MRPS27: variants seen among roughly 807,000 people sequenced by gnomAD.
The protein encoded by MRPS27 is small ribosomal subunit protein mS27.
In MRPS27, 43 loss-of-function variants were observed where a neutral mutation model predicts 48.9. That is an observed-to-expected ratio of 0.88 (90% CI 0.69 to 1.13). MRPS27 has a LOEUF of 1.13. Among genes scored for constraint, MRPS27 ranks in the 50% most tolerant of loss-of-function variants. The pLI, the probability that MRPS27 is intolerant of heterozygous loss-of-function variation, is 0.00. For synonymous variants in MRPS27, 188 were observed against 171.9 expected (o/e 1.09, Z -0.73); for missense variants, 467 against 476.3 (o/e 0.98, Z 0.18).
chr5:72,221,124 G>C lies in MRPS27; in HGVS notation c.1030C>G (p.Leu344Val), dbSNP rs766122867. 3 of 1,613,992 alleles carry C rather than the reference G, an allele frequency of 1.9e-6. No homozygotes were observed. The African/African-American group carries it at 4.0e-5, about 22-fold the overall frequency. Residue 344 changes from leucine to valine, a missense_variant, in exon 11 of 11, where the codon CTG (leucine) becomes GTG (valine). By Grantham distance (32) the Leu-to-Val change is conservative. Coordinates refer to ENST00000261413, the MANE Select transcript of MRPS27 (RefSeq NM_015084.3). ...FKALHSKLQA[L>V]GKIESEGLLS... Reference sequence around the variant, plus strand: ...AGACCTTCTGACTCAATTTTGCCCAGAGCTTGAAGCTTAGAATGTAAGGCC... The same window carrying C: ...AGACCTTCTGACTCAATTTTGCCCACAGCTTGAAGCTTAGAATGTAAGGCC...
chr5:72,278,164 C>T (rs1749427642), intron 4 of MRPS27, among the ~76,000 whole-genome samples: 1 of 152,076 alleles, frequency 6.6e-6, no homozygotes, highest in African/African-American at 2.4e-5. Context: ...AAAATCTGGC[C>T]AGGCGCAGTG....
chr5:72,295,018 G>T (rs1206195003), intron 4 of MRPS27, among the ~76,000 whole-genome samples: 1 of 151,950 alleles, frequency 6.6e-6, no homozygotes, highest in Non-Finnish European at 1.5e-5. Flanking sequence ...AAGCATCTTA[G>T]ATAAGAGATA....
chr5:72,263,357 T>C (rs1397740185), intron 4 of MRPS27, among the ~76,000 whole-genome samples: 1 of 151,848 alleles, frequency 6.6e-6, no homozygotes, highest in Non-Finnish European at 1.5e-5. Context: ...TTCATGACAC[T>C]GAATTTAGCA....
At chr5:72,297,841 GA>G (rs1750021028) in intron 2 of MRPS27, 139 bp from the exon 3 acceptor site, 1 of 431,178 alleles carries the variant, frequency 2.3e-6, no homozygotes, top group Non-Finnish European at 4.0e-6. Context: ...ATAAATTAAA[GA>G]GGAAAAAAGA....
intron 4 of MRPS27, among the ~76,000 whole-genome samples, chr5:72,248,421 A>G (rs997003688): frequency 6.6e-6 from 1 of 152,202 alleles, no homozygotes; most frequent in Non-Finnish European, 1.5e-5. Flanking sequence ...TAAAAAAGCC[A>G]TACTTTAGCT....
At chr5:72,270,245 C>T (rs191892356) in intron 4 of MRPS27, among the ~76,000 whole-genome samples, 144 of 146,008 alleles carry the variant, frequency 9.9e-4, no homozygotes, top group Admixed American at 2.4e-3. Flanking sequence ...TATTAAAATG[C>T]CTACATAGCA....
chr5:72,241,483 A>T (rs1748348229), intron 4 of MRPS27: 1 of 622,356 alleles, frequency 1.6e-6, no homozygotes, highest in Non-Finnish European at 2.8e-6. Flanking sequence ...TCTGGAATAT[A>T]AACAAGTCAA....
At chr5:72,303,039 C>T (rs1207573343) in intron 2 of MRPS27, among the ~76,000 whole-genome samples, 4 of 152,088 alleles carry the variant, frequency 2.6e-5, no homozygotes, top group East Asian at 1.9e-4. Flanking sequence ...GTTGACTTCA[C>T]TATATAAAAT....
At chr5:72,260,901 T>C (rs929614694) in intron 4 of MRPS27, among the ~76,000 whole-genome samples, 1 of 152,226 alleles carries the variant, frequency 6.6e-6, no homozygotes, top group African/African-American at 2.4e-5. Context: ...TCTTGCTCTT[T>C]AGCTGAGGCT....
intron 10 of MRPS27, among the ~76,000 whole-genome samples, chr5:72,221,959 G>C (rs897231920): frequency 6.6e-6 from 1 of 152,182 alleles, no homozygotes; most frequent in South Asian, 2.1e-4. Flanking sequence ...TCATTAGAGA[G>C]AGGGCCACTT....
intron 2 of MRPS27, among the ~76,000 whole-genome samples, chr5:72,304,408 T>C (rs762704863): frequency 1.7e-4 from 26 of 152,236 alleles, no homozygotes; most frequent in African/African-American, 6.3e-4. Flanking sequence ...TAAAAGATAA[T>C]GATTGTCAGA....
At chr5:72,259,461 T>A in intron 4 of MRPS27, among the ~76,000 whole-genome samples, 1 of 120,200 alleles carries the variant, frequency 8.3e-6, no homozygotes, top group African/African-American at 3.5e-5. Context: ...AAAGTGAAAC[T>A]TCGTCTCAAA....
intron 4 of MRPS27, chr5:72,241,703 G>T (rs1264843518): frequency 8.5e-6 from 13 of 1,535,110 alleles, no homozygotes; most frequent in Non-Finnish European, 1.0e-5. Flanking sequence ...CAGAAGAAAG[G>T]CAAAGAGAAA....
intron 2 of MRPS27, among the ~76,000 whole-genome samples, chr5:72,307,673 T>TA (rs58455541): frequency 0.015 from 2,128 of 146,368 alleles, 42 homozygotes; most frequent in African/African-American, 0.041. Flanking sequence ...GTTAAAACAC[T>TA]AAAAAAAAAA....
intron 4 of MRPS27, among the ~76,000 whole-genome samples, chr5:72,291,624 G>A (rs1749822499): frequency 6.6e-6 from 1 of 152,214 alleles, no homozygotes; most frequent in Non-Finnish European, 1.5e-5. Context: ...GTCATCTGCT[G>A]CCTACATTCA....
intron 4 of MRPS27, among the ~76,000 whole-genome samples, chr5:72,255,037 T>TC (rs1748763771): frequency 7.6e-6 from 1 of 132,264 alleles, no homozygotes; most frequent in African/African-American, 2.9e-5. Context: ...TTCTTTTTTT[T>TC]TTTTTTTTTT....
chr5:72,237,964 A>AT (rs1561333624), intron 5 of MRPS27, 50 bp downstream of exon 5: 1 of 1,314,996 alleles, frequency 7.6e-7, no homozygotes, highest in Non-Finnish European at 1.1e-6. Flanking sequence ...TACAAACACC[A>AT]TATCACCTAA....
intron 4 of MRPS27, among the ~76,000 whole-genome samples, chr5:72,275,342 AAGG>A (rs1199649123): frequency 1.3e-5 from 2 of 152,206 alleles, no homozygotes; most frequent in Non-Finnish European, 2.9e-5. Flanking sequence ...GGACTTCTTC[AAGG>A]AGAACTACAA....
chr5:72,273,210 AG>A (rs2112020675), intron 4 of MRPS27, among the ~76,000 whole-genome samples: 1 of 152,306 alleles, frequency 6.6e-6, no homozygotes, highest in South Asian at 2.1e-4. Context: ...TAAATATATA[AG>A]CCTATCCTTC....
Sources: gnomAD v4.1 joint callset for allele counts (sites outside exome capture counted in the v4.1 genomes callset) on GRCh38, gnomAD v4.1.1 for gene constraint, MANE v1.5 for transcripts, NCBI Gene and HGNC (gene_info 2026-07-23, HGNC 2026-07-21) for gene names.